The following SLC38A9 variants were observed in gnomAD, a reference collection of about 807,000 sequenced individuals.
SLC38A9 encodes the protein solute carrier family 38 member 9.
In SLC38A9, 48 loss-of-function variants were observed where a neutral mutation model predicts 62.3. The ratio of observed to expected loss-of-function variants is 0.77; its 90% confidence interval spans 0.61 to 0.98. SLC38A9 has a LOEUF of 0.98. SLC38A9 is among the 50% of genes least tolerant of loss of function. The pLI is 0.00. For synonymous variants in SLC38A9, 204 were observed against 227.7 expected, an observed-to-expected ratio of 0.90 and a Z score of 0.94; for missense variants, 541 against 679.8, an observed-to-expected ratio of 0.80 and a Z score of 2.27.
At chr5:55,679,174 A>C (rs1328761522) in intron 3 of SLC38A9, among the ~76,000 whole-genome samples, 1 of 152,144 alleles carries the variant, frequency 6.6e-6, no homozygotes, top group Non-Finnish European at 1.5e-5. Context: ...ATATGTACAT[A>C]ATTTGCAAAT....
intron 2 of SLC38A9, among the ~76,000 whole-genome samples, chr5:55,707,406 G>C (rs1022153108): frequency 6.6e-6 from 1 of 152,096 alleles, no homozygotes; most frequent in Non-Finnish European, 1.5e-5. Context: ...TATACAAGAT[G>C]ACATAAACAG....
intron 2 of SLC38A9, among the ~76,000 whole-genome samples, chr5:55,698,967 A>C (rs1312641477): frequency 6.6e-6 from 1 of 152,014 alleles, no homozygotes; most frequent in African/African-American, 2.4e-5. Context: ...ACAAAAAAAC[A>C]AACTGGCCAG....
chr5:55,677,375 T>G (rs1198309078), intron 3 of SLC38A9, among the ~76,000 whole-genome samples: 1 of 152,224 alleles, frequency 6.6e-6, no homozygotes, highest in African/African-American at 2.4e-5. Flanking sequence ...TTACCCTTTG[T>G]AAACTTCCAC....
At chr5:55,669,140 A>T in intron 7 of SLC38A9, 88 bp downstream of exon 7, 1 of 802,700 alleles carries the variant, frequency 1.2e-6, no homozygotes, top group Admixed American at 2.6e-5. Flanking sequence ...CAGCTGACAC[A>T]CATGTAGCAT....
At chr5:55,678,550 T>G (rs1316089543) in intron 3 of SLC38A9, among the ~76,000 whole-genome samples, 1 of 151,202 alleles carries the variant, frequency 6.6e-6, no homozygotes, top group East Asian at 1.9e-4. Flanking sequence ...AATCACTAAA[T>G]GTAAGAATTG....
At chr5:55,709,594 G>GA (rs1228996530) in intron 2 of SLC38A9, among the ~76,000 whole-genome samples, 36 of 146,218 alleles carry the variant, frequency 2.5e-4, no homozygotes, top group Admixed American at 2.7e-4. Context: ...ACCCCAAAAA[G>GA]AAAAAAAAAA....
intron 11 of SLC38A9, among the ~76,000 whole-genome samples, chr5:55,648,180 A>G (rs1021891512): frequency 2.0e-5 from 3 of 152,204 alleles, no homozygotes; most frequent in African/African-American, 4.8e-5. Context: ...GGGAAGGTGC[A>G]GTGAGTTGAG....
At chr5:55,702,343 C>A (rs1756775124) in intron 2 of SLC38A9, among the ~76,000 whole-genome samples, 1 of 151,818 alleles carries the variant, frequency 6.6e-6, no homozygotes, top group Non-Finnish European at 1.5e-5. Flanking sequence ...CTCACTGCAG[C>A]CGCGACCTCT....
chr5:55,635,661 T>A lies in SLC38A9; in HGVS notation c.1168-4A>T. The A allele has an allele frequency of 6.3e-7, 1 of 1,597,658 alleles. No individual in the cohort carries two copies. Among genetic ancestry groups the A allele is most frequent in the Non-Finnish European group, 8.6e-7 (1 of 1,165,246 alleles). Reference sequence around the variant, plus strand: ...AAGCAATGCACAAGTCCCTCACCTGTAAATACAGAACAAAAGTCCCATAAT... The same window carrying A: ...AAGCAATGCACAAGTCCCTCACCTGAAAATACAGAACAAAAGTCCCATAAT... On this transcript the variant is annotated splice_polypyrimidine_tract_variant and splice_region_variant and intron_variant, in intron 12 of 15. Coordinates refer to ENST00000396865, the MANE Select transcript of SLC38A9 (RefSeq NM_173514.4).
intron 13 of SLC38A9, 198 bp downstream of exon 13, chr5:55,635,346 A>G (rs1477798106): frequency 1.3e-5 from 8 of 607,344 alleles, no homozygotes; most frequent in Middle Eastern, 6.9e-4. Context: ...GGTACTTATT[A>G]TACTATTTAA....
chr5:55,698,809 T>C (rs7443054), intron 2 of SLC38A9, among the ~76,000 whole-genome samples: 91,000 of 151,812 alleles, frequency 0.6, 27,840 homozygotes, highest in South Asian at 0.7. Flanking sequence ...CACATGCCTG[T>C]AGTCTCAGCT....
chr5:55,711,293 G>GA (rs11404858), intron 2 of SLC38A9, 159 bp downstream of exon 2: 99,654 of 145,408 alleles, frequency 0.69, 33,970 homozygotes, highest in South Asian at 0.82. Context: ...ACTCTTGTCT[G>GA]AAAAAAAAAA....
intron 11 of SLC38A9, among the ~76,000 whole-genome samples, chr5:55,648,944 G>A (rs1400466850): frequency 3.9e-5 from 6 of 151,962 alleles, no homozygotes; most frequent in African/African-American, 1.5e-4. Flanking sequence ...CATAAGAAAG[G>A]CTAGATGAAA....
chr5:55,698,028 A>T, intron 2 of SLC38A9, 36 bp from the exon 3 acceptor site: 1 of 756,826 alleles, frequency 1.3e-6, no homozygotes, highest in East Asian at 3.0e-5. Context: ...GTTTAATTTT[A>T]AAATATTTTA....
intron 3 of SLC38A9, among the ~76,000 whole-genome samples, chr5:55,687,047 C>T (rs565550905): frequency 2.1e-4 from 30 of 141,854 alleles, no homozygotes; most frequent in Non-Finnish European, 2.6e-4. Flanking sequence ...AGTTGGATAG[C>T]ATGATGCCTC....
intron 5 of SLC38A9, 65 bp downstream of exon 5, chr5:55,669,693 T>C: frequency 6.3e-7 from 1 of 1,584,526 alleles, no homozygotes; most frequent in Non-Finnish European, 8.6e-7. Flanking sequence ...GACAAAAATT[T>C]AAAAAACCAG....
Position 55,656,781 on chromosome 5 carries a change from A to G in SLC38A9, c.698-7T>C. 6.8e-7 allele frequency: 1 copy of G among 1,465,474 alleles called. No individual in the cohort carries two copies. Among genetic ancestry groups the G allele is most frequent in the Non-Finnish European group, 9.5e-7 (1 of 1,053,212 alleles). 90.8% of individuals were successfully genotyped at this position (1,465,474 alleles called of 1,614,324 possible). A position where few individuals can be genotyped will look rare whatever the true frequency, so the allele number is the denominator to read the frequency against. On this transcript the variant is annotated splice_region_variant and splice_polypyrimidine_tract_variant and intron_variant, in intron 8 of 15. Coordinates refer to ENST00000396865, the MANE Select transcript of SLC38A9 (RefSeq NM_173514.4). ...TTAATGTGATGAATAAAATCTAAAAATAAAGGAAAAAATATAGTTTAACAC... is the reference window on the plus strand; with the variant it reads ...TTAATGTGATGAATAAAATCTAAAAGTAAAGGAAAAAATATAGTTTAACAC...
intron 2 of SLC38A9, among the ~76,000 whole-genome samples, chr5:55,710,890 T>C (rs1757940955): frequency 6.6e-6 from 1 of 150,850 alleles, no homozygotes; most frequent in Admixed American, 6.6e-5. Context: ...AGTGCTGGGA[T>C]TACAGGCGTG....
intron 8 of SLC38A9, among the ~76,000 whole-genome samples, chr5:55,657,796 G>A (rs1377775011): frequency 6.6e-6 from 1 of 152,124 alleles, no homozygotes; most frequent in African/African-American, 2.4e-5. Context: ...TAGGTTTTAA[G>A]GTCATAAAAG....
Sources: gnomAD v4.1 joint callset for allele counts (sites outside exome capture counted in the v4.1 genomes callset) on GRCh38, gnomAD v4.1.1 for gene constraint, MANE v1.5 for transcripts, NCBI Gene and HGNC (gene_info 2026-07-23, HGNC 2026-07-21) for gene names.